Variants in RNF213 observed in about 807,000 individuals in gnomAD.
RNF213 encodes the protein E3 ubiquitin-protein ligase RNF213.
A neutral mutation model predicts 514.4 loss-of-function variants in RNF213; 341 were observed. The ratio of observed to expected loss-of-function variants is 0.66; its 90% CI spans 0.61 to 0.73. The LOEUF (loss-of-function observed/expected upper bound fraction) is 0.73. Ranked by LOEUF, RNF213 falls within the 30% of genes least tolerant of loss-of-function variation. The pLI, the probability that RNF213 is intolerant of heterozygous loss-of-function variation, is 0.00. For synonymous variants in RNF213, 2,655 were observed against 2,658.2 expected (o/e 1.00, Z 0.04); for missense variants, 5,767 against 6,615.6 (o/e 0.87, Z 4.45).
intron 3 of RNF213, among the ~76,000 whole-genome samples, chr17:80,278,244 G>C (rs539504584): frequency 2.0e-5 from 3 of 152,190 alleles, no homozygotes; most frequent in Non-Finnish European, 4.4e-5. Flanking sequence ...GGCGATGCCC[G>C]GTGTGGTGTG....
chr17:80,375,686 G>C, intron 50 of RNF213, 74 bp from the exon 51 acceptor site: 1 of 1,035,446 alleles, frequency 9.7e-7, no homozygotes, highest in Non-Finnish European at 1.5e-6. Context: ...CTGGGTGACA[G>C]AGCAAGACTC....
intron 17 of RNF213, among the ~76,000 whole-genome samples, chr17:80,322,152 C>A (rs6565670): frequency 0.082 from 3,183 of 38,590 alleles, 167 homozygotes; most frequent in Middle Eastern, 0.11. Context: ...TCATCCCCCC[C>A]ACCCCCCCTT....
At chr17:80,321,341 G>A (rs945933180) in intron 17 of RNF213, 6 of 152,084 alleles carry the variant, frequency 3.9e-5, no homozygotes, top group African/African-American at 2.4e-5. Flanking sequence ...TTGGATTTGG[G>A]GATTAGGAAT....
At chr17:80,374,390 C>T (rs1473048757) in intron 49 of RNF213, 68 bp from the exon 50 acceptor site, 24 of 1,600,962 alleles carry the variant, frequency 1.5e-5, no homozygotes, top group East Asian at 8.9e-5. Context: ...GGTTCCTGTA[C>T]CCGTTCAGAC....
chr17:80,313,082 C>CT lies in RNF213; in HGVS notation c.2727dup (p.Thr910TyrfsTer28). 1.2e-6 allele frequency: 2 copies of CT among 1,614,128 alleles called. No individual in the cohort carries two copies. The highest frequency in any genetic ancestry group is 1.7e-6 in the Non-Finnish European group (2 of 1,180,034). ...ACAGTCTTCCAAGGGACCCTTGCTG[C>CT]TACGAAAAGGTGGCTCCGAGAAGTT... On this transcript the variant is annotated frameshift_variant, in exon 15 of 68. Transcript: ENST00000582970. LOFTEE classifies it high-confidence loss of function.
At chr17:80,324,944 T>C in intron 17 of RNF213, 86 bp from the exon 18 acceptor site, 1 of 1,262,922 alleles carries the variant, frequency 7.9e-7, no homozygotes, top group Admixed American at 2.0e-5. Flanking sequence ...TCAGAAATGC[T>C]ATCGAGTAGG....
Position 80,323,836 on chromosome 17 carries a change from G to GC in RNF213, c.3025-1194_3025-1193insC, listed in dbSNP as rs376634963. On this transcript the variant is annotated intron_variant, in intron 17 of 67. Transcript: ENST00000582970. ...TTAAATTTCTAAGTACTTTTTTTTG[G>GC]GGGGGGGTGCTATTGTAATTGGAAT... 8.7e-5 allele frequency among the ~76,000 whole-genome samples: 8 copies of GC among 91,826 alleles called. No individual in the cohort carries two copies. The South Asian group carries it at 1.1e-3, about 13-fold the overall frequency. The allele number at this position is 91,826 out of a possible 152,430, so 60.2% of individuals were successfully genotyped here.
In RNF213 at chr17:80,263,657, C is replaced by G. The variant is rs769753503; in HGVS notation, c.-25C>G. ...GCGACTCCTGCTCTTGCTTCTGGATCTGCAGGGCAGTCCCAGCAGGACCCA... is the reference window on the plus strand; with the variant it reads ...GCGACTCCTGCTCTTGCTTCTGGATGTGCAGGGCAGTCCCAGCAGGACCCA... On this transcript the variant is annotated 5_prime_UTR_variant, in exon 2 of 68. The change creates a new upstream start codon in the 5' untranslated region. Transcript: ENST00000582970. The surrounding 1 kb of genome is among the most constrained non-coding windows in gnomAD (Gnocchi z 4.9). 3 of 1,602,582 alleles carry G rather than the reference C, an allele frequency of 1.9e-6. No homozygotes were observed. Among genetic ancestry groups the G allele is most frequent in the Non-Finnish European group, 2.6e-6 (3 of 1,169,532 alleles).
chr17:80,284,753 C>T (rs2044413811), intron 3 of RNF213, among the ~76,000 whole-genome samples: 1 of 152,128 alleles, frequency 6.6e-6, no homozygotes, highest in South Asian at 2.1e-4. Context: ...CCCGTTACTC[C>T]CTCGTGCCAC....
chr17:80,296,458 A>G (rs2044951934), intron 10 of RNF213, among the ~76,000 whole-genome samples: 1 of 152,060 alleles, frequency 6.6e-6, no homozygotes, highest in Non-Finnish European at 1.5e-5. Context: ...TGTTCTCCCC[A>G]TGCCCCTGCC....
rs2045358560 is a variant in RNF213 at position 80,306,380 on chromosome 17, A to T, written c.2339A>T (p.His780Leu). Residue 780 changes from histidine to leucine, a missense_variant, in exon 12 of 68, where the codon CAC (histidine) becomes CTC (leucine). Physicochemically the swap from His to Leu is moderately conservative, Grantham distance 99. This residue lies in a region of RNF213 where 592 missense variants were observed against 673.9 expected (regional missense o/e 0.88). Transcript: ENST00000582970. Reference protein sequence around the residue: ...LVMYMENFIEHLGRFPAHILD... With the variant: ...LVMYMENFIELLGRFPAHILD... ...ATGTATATGGAAAACTTCATTGAGCACCTGGGTCGTTTTCCTGCTCATATC... is the reference window on the plus strand; with the variant it reads ...ATGTATATGGAAAACTTCATTGAGCTCCTGGGTCGTTTTCCTGCTCATATC... 5 of 1,614,126 alleles carry T rather than the reference A, an allele frequency of 3.1e-6. No individual in the cohort carries two copies. The highest frequency in any genetic ancestry group is 4.2e-6 in the Non-Finnish European group (5 of 1,180,018).
Position 80,386,795 on chromosome 17 carries a change from G to C in RNF213, c.14826G>C (p.Glu4942Asp). The C allele has an allele frequency of 6.2e-7, 1 of 1,614,250 alleles. No homozygotes were observed. Among genetic ancestry groups the C allele is most frequent in the Non-Finnish European group, 8.5e-7 (1 of 1,180,038 alleles). The change falls in exon 63 of 68, where the codon GAG (glutamate) becomes GAC (aspartate). Residue 4942 changes from glutamate (E) to aspartate (D), a missense_variant. Around this residue, in one of 13 missense-constraint regions of RNF213, gnomAD observed 1,245 missense variants for 1,339.0 expected, o/e 0.93. Coordinates refer to ENST00000582970, the MANE Select transcript of RNF213 (RefSeq NM_001256071.3). The part of the protein sequence containing the change: ...LILSNCQYQV[E>D]EGRETVQEFD... Reference sequence around the variant, plus strand: ...TCTCCAACTGCCAGTACCAGGTGGAGGAGGGCAGAGAGACCGTGCAGGAGT... The same window carrying C: ...TCTCCAACTGCCAGTACCAGGTGGACGAGGGCAGAGAGACCGTGCAGGAGT...
At chr17:80,313,647 A>ATTGTGGTGGAGGTGATGG (rs2045663692) in intron 15 of RNF213, among the ~76,000 whole-genome samples, 2 of 72,834 alleles carry the variant, frequency 2.7e-5, no homozygotes, top group Non-Finnish European at 5.5e-5. Flanking sequence ...GGTGATGGTG[A>ATTGTGGTGGAGGTGATGG]TGGTTGTGGA....
In RNF213 at chr17:80,317,278, G is replaced by A; in HGVS notation, c.2901+1G>A. ...AGACATGGAATGGAGGCTCACAAAG[G>A]TACCAAAAGTTTGGGGGCAGTCTTT... On this transcript the variant is annotated splice_donor_variant, in intron 16 of 67. Transcript: ENST00000582970. LOFTEE classifies it high-confidence loss of function. The surrounding 1 kb of genome is among the most constrained non-coding windows in gnomAD (Gnocchi z 4.1). The A allele has an allele frequency of 6.2e-7, 1 of 1,612,032 alleles. No homozygotes were observed. Among genetic ancestry groups the A allele is most frequent in the Non-Finnish European group, 8.5e-7 (1 of 1,179,598 alleles).
In RNF213 at chr17:80,325,086, C is replaced by T. The variant is rs774940630; in HGVS notation, c.3081C>T (p.Ile1027=). 1.3e-5 allele frequency: 20 copies of T among 1,537,054 alleles called. No homozygotes were observed. The African/African-American group carries it at 1.6e-4, about 13-fold the overall frequency. The change falls in exon 18 of 68, where the codon ATC becomes ATT. Residue 1027 remains isoleucine (I), a synonymous_variant. Transcript: ENST00000582970. ...ACTCTGATTTGCGGAAATTTGGCAT[C>T]GTCTTGTCTGCTGTGATCACTAAGT... is the stretch of plus-strand genomic sequence containing the variant. ...FSYSDLRKFG[I]VLSAVITKSW... is the part of the protein sequence containing the mutation.
chr17:80,390,535 T>C (rs112205049), intron 67 of RNF213, among the ~76,000 whole-genome samples: 1 of 152,124 alleles, frequency 6.6e-6, no homozygotes, highest in African/African-American at 2.4e-5. Flanking sequence ...TAGCTGGGAC[T>C]ACAGGCGTGT....
In RNF213 at chr17:80,332,519, A is replaced by G. The variant is rs2046444243; in HGVS notation, c.4031A>G (p.Lys1344Arg). The G allele has an allele frequency of 2.6e-6, 4 of 1,537,082 alleles. No homozygotes were observed. The East Asian group carries it at 7.3e-5, about 28-fold the overall frequency. ...DWIKDRVEQI[K>R]EYHHLHQAVH... is the part of the protein sequence containing the mutation. ...ATCAAGGACCGAGTCGAACAGATCA[A>G]GGAATACCATCACCTGCACCAGGCT... Residue 1344 changes from lysine (K) to arginine (R), a missense_variant, in exon 21 of 68, where the codon AAG becomes AGG. Physicochemically the swap from Lys to Arg is conservative, Grantham distance 26. Coordinates refer to ENST00000582970, the MANE Select transcript of RNF213 (RefSeq NM_001256071.3).
chr17:80,337,405 T>C, intron 23 of RNF213, 181 bp from the exon 24 acceptor site: 1 of 681,342 alleles, frequency 1.5e-6, no homozygotes, highest in South Asian at 1.9e-5. Flanking sequence ...TGACAGATCA[T>C]GTTGTCAGGG....
At chr17:80,358,942 G>A (rs1254551803) in intron 37 of RNF213, among the ~76,000 whole-genome samples, 3 of 152,122 alleles carry the variant, frequency 2.0e-5, no homozygotes, top group Admixed American at 1.3e-4. Flanking sequence ...GAAGCTCTGA[G>A]AAATTTCTGT....
Sources: allele counts gnomAD v4.1 joint callset (sites outside exome capture counted in the v4.1 genomes callset), GRCh38; gene constraint gnomAD v4.1.1; regional missense constraint gnomAD v4.1.1; non-coding constraint Gnocchi (gnomAD v3.1); transcripts MANE v1.5; gene names NCBI Gene and HGNC (gene_info 2026-07-23, HGNC 2026-07-21).